The following ATP2B1 variants were observed in gnomAD, a reference collection of about 807,000 sequenced individuals.
The protein encoded by ATP2B1 is plasma membrane calcium-transporting ATPase 1.
A neutral mutation model predicts 124.2 loss-of-function variants in ATP2B1; 14 were observed. The observed-to-expected ratio is 0.11, with a 90% CI of 0.07 to 0.18. The LOEUF (loss-of-function observed/expected upper bound fraction) is 0.18. Among genes scored for constraint, ATP2B1 ranks in the 10% least tolerant of loss-of-function variants. The probability of loss-of-function intolerance (pLI) is 1.00; values close to 1 mark genes in which losing one functional copy is unlikely to be tolerated. For missense variants in ATP2B1, 763 were observed against 1,466.1 expected (o/e 0.52, Z 7.83); for synonymous variants, 449 against 492.4 (o/e 0.91, Z 1.17).
chr12:89,660,498 C>G (rs1886575326), intron 1 of ATP2B1, among the ~76,000 whole-genome samples: 2 of 152,210 alleles, frequency 1.3e-5, no homozygotes, highest in South Asian at 4.1e-4. Context: ...ATTAGCATGA[C>G]TGATGTAAGT....
At chr12:89,705,773 A>G (rs1892377852) in intron 1 of ATP2B1, among the ~76,000 whole-genome samples, 1 of 152,198 alleles carries the variant, frequency 6.6e-6, no homozygotes, top group Non-Finnish European at 1.5e-5. Flanking sequence ...AACACATAGC[A>G]GTAAGGGGAT....
chr12:89,603,365 T>G lies in ATP2B1; in HGVS notation c.2849-111A>C, dbSNP rs1220377586. 3 of 916,936 alleles carry G rather than the reference T, an allele frequency of 3.3e-6. No homozygotes were observed. The highest frequency in any genetic ancestry group is 3.6e-5 in the South Asian group (2 of 54,936). The allele number at this position is 916,936 out of a possible 1,614,324, so 56.8% of individuals were successfully genotyped here. A position where few individuals can be genotyped will look rare whatever the true frequency, so the allele number is the denominator to read the frequency against. Reference sequence around the variant, plus strand: ...TTTTATTTGATCTGAAATGGCAGCATGGAAGGAGCTAGAGAAACCTGGGAT... The same window carrying G: ...TTTTATTTGATCTGAAATGGCAGCAGGGAAGGAGCTAGAGAAACCTGGGAT... On this transcript the variant is annotated intron_variant, in intron 17 of 20. Transcript: ENST00000428670. This position sits in a 1 kb window ranked among gnomAD's most constrained non-coding sequence, Gnocchi z 4.3.
At chr12:89,650,016 C>T (rs1006572836) in intron 2 of ATP2B1, among the ~76,000 whole-genome samples, 1 of 152,182 alleles carries the variant, frequency 6.6e-6, no homozygotes, top group African/African-American at 2.4e-5. Flanking sequence ...CACCAGAAGC[C>T]AAGCAGATGC....
At chr12:89,703,284 A>G (rs921034224) in intron 1 of ATP2B1, among the ~76,000 whole-genome samples, 3 of 152,220 alleles carry the variant, frequency 2.0e-5, no homozygotes, top group Admixed American at 2.0e-4. Flanking sequence ...AATAGTTCCA[A>G]AAGTCAGAGT....
intron 3 of ATP2B1, among the ~76,000 whole-genome samples, chr12:89,639,095 T>C (rs1883119060): frequency 6.6e-6 from 1 of 152,206 alleles, no homozygotes; most frequent in Admixed American, 6.5e-5. Context: ...ATTTTGATCA[T>C]TTAGATTTCT....
In ATP2B1 at chr12:89,603,318, C is replaced by T; in HGVS notation, c.2849-64G>A. On this transcript the variant is annotated intron_variant, in intron 17 of 20. Transcript: ENST00000428670. The surrounding 1 kb of genome is among the most constrained non-coding windows in gnomAD (Gnocchi z 4.3). ...CCAAATTAGATTTCAAGGAGGTATA[C>T]AAATTACAACTTAGCTAGACCTTTT... The T allele has an allele frequency of 3.8e-6, 5 of 1,307,030 alleles. No individual in the cohort carries two copies. Among genetic ancestry groups the T allele is most frequent in the Non-Finnish European group, 5.2e-6 (5 of 961,274 alleles). 81.0% of individuals were successfully genotyped at this position (1,307,030 alleles called of 1,614,324 possible).
intron 15 of ATP2B1, among the ~76,000 whole-genome samples, chr12:89,609,018 G>A (rs1221359443): frequency 6.6e-6 from 1 of 152,148 alleles, no homozygotes; most frequent in Admixed American, 6.5e-5. Context: ...TTGAAAGGCT[G>A]CCACCATGGT....
chr12:89,632,436 G>A (rs1383579982), intron 5 of ATP2B1, among the ~76,000 whole-genome samples: 1 of 152,146 alleles, frequency 6.6e-6, no homozygotes, highest in African/African-American at 2.4e-5. Flanking sequence ...CAGTGAAAGT[G>A]CAGGGAAAAC....
rs1228088939 is a variant in ATP2B1 at position 89,624,167 on chromosome 12, A to T, written c.1344+16T>A. The T allele has an allele frequency of 6.2e-7, 1 of 1,609,814 alleles. No homozygotes were observed. On this transcript the variant is annotated intron_variant, in intron 9 of 20. Transcript: ENST00000428670. ...CTTTAAACATAACAACGTCTACTGA[A>T]CTATTTTCTACTTACTTTGACTGAA... is the stretch of plus-strand genomic sequence containing the variant.
chr12:89,705,428 C>T (rs1892336664), intron 1 of ATP2B1, among the ~76,000 whole-genome samples: 1 of 151,942 alleles, frequency 6.6e-6, no homozygotes, highest in African/African-American at 2.4e-5. Flanking sequence ...TCATCCATTA[C>T]AAAATTCCAG....
chr12:89,696,653 T>C (rs572336765), intron 1 of ATP2B1, among the ~76,000 whole-genome samples: 22 of 152,336 alleles, frequency 1.4e-4, no homozygotes, highest in Admixed American at 1.3e-3. Flanking sequence ...TCACTTTACA[T>C]TGTCCTATTT....
chr12:89,597,965 C>A (rs1267393523), intron 20 of ATP2B1, among the ~76,000 whole-genome samples: 2 of 137,802 alleles, frequency 1.5e-5, no homozygotes, highest in Non-Finnish European at 3.0e-5. Context: ...AAAAAAAACA[C>A]CCCAAACCAT....
At chr12:89,653,959 T>A (rs1327370372) in intron 2 of ATP2B1, among the ~76,000 whole-genome samples, 1 of 152,190 alleles carries the variant, frequency 6.6e-6, no homozygotes, top group Non-Finnish European at 1.5e-5. Context: ...AAACTAAAGT[T>A]CAATATTGCT....
At chr12:89,650,661 C>T (rs1885125059) in intron 2 of ATP2B1, among the ~76,000 whole-genome samples, 1 of 152,148 alleles carries the variant, frequency 6.6e-6, no homozygotes, top group African/African-American at 2.4e-5. Flanking sequence ...CACTTGGCAC[C>T]TGCCTTTAAT....
chr12:89,620,097 G>T lies in ATP2B1; in HGVS notation c.1731C>A (p.Thr577=). 2.5e-6 allele frequency: 4 copies of T among 1,614,060 alleles called. No homozygotes were observed. Among genetic ancestry groups the T allele is most frequent in the Non-Finnish European group, 3.4e-6 (4 of 1,179,984 alleles). The change falls in exon 11 of 21, where the codon ACC becomes ACA. Residue 577 remains threonine (T), a synonymous_variant. Transcript: ENST00000428670. ...IPEEALYKVY[T]FNSVRKSMST... The stretch of plus-strand genomic sequence containing the variant: ...TCATGGACTTCCTAACAGAATTGAA[G>T]GTGTAGACTTTGTACAGTGCTTCTT...
At chr12:89,677,275 T>C (rs1052894575) in intron 1 of ATP2B1, among the ~76,000 whole-genome samples, 7 of 152,086 alleles carry the variant, frequency 4.6e-5, no homozygotes, top group South Asian at 2.1e-4. Context: ...CCCAGCTGTT[T>C]TGAGTGACTT....
At chr12:89,641,523 A>T (rs1342223739) in intron 3 of ATP2B1, among the ~76,000 whole-genome samples, 1 of 152,170 alleles carries the variant, frequency 6.6e-6, no homozygotes, top group Non-Finnish European at 1.5e-5. Flanking sequence ...TACAATATTT[A>T]AAAAATAATC....
chr12:89,655,085 T>C (rs1024825681), intron 2 of ATP2B1, among the ~76,000 whole-genome samples: 1 of 152,206 alleles, frequency 6.6e-6, no homozygotes, highest in Non-Finnish European at 1.5e-5. Flanking sequence ...AATACAAATT[T>C]ATGAAACCAA....
intron 1 of ATP2B1, among the ~76,000 whole-genome samples, chr12:89,671,297 T>C (rs780713948): frequency 2.7e-4 from 41 of 152,280 alleles, no homozygotes; most frequent in Admixed American, 7.8e-4. Flanking sequence ...TGGTCAAACA[T>C]CGTCTTCTAA....
Sources: gnomAD v4.1 joint callset for allele counts (sites outside exome capture counted in the v4.1 genomes callset) on GRCh38, gnomAD v4.1.1 for gene constraint, Gnocchi (gnomAD v3.1) non-coding constraint, MANE v1.5 for transcripts, NCBI Gene and HGNC (gene_info 2026-07-23, HGNC 2026-07-21) for gene names.